ZBTB7C: variants seen among roughly 807,000 people sequenced by gnomAD.
The protein encoded by ZBTB7C is zinc finger and BTB domain-containing protein 7C.
A neutral mutation model predicts 25.7 loss-of-function variants in ZBTB7C; 8 were observed. The ratio of observed to expected loss-of-function variants is 0.31; its 90% CI spans 0.18 to 0.56. The LOEUF is 0.56. Among genes scored for constraint, ZBTB7C ranks in the 20% least tolerant of loss-of-function variants. ZBTB7C has a pLI of 0.91. For synonymous variants in ZBTB7C, 394 were observed against 369.0 expected (o/e 1.07, Z -0.78); for missense variants, 824 against 855.2 (o/e 0.96, Z 0.46).
chr18:48,329,982 C>T lies in ZBTB7C; in HGVS notation c.-79+8192G>A, dbSNP rs115550634. On this transcript the variant is annotated intron_variant, in intron 2 of 4. Coordinates refer to ENST00000590800, the MANE Select transcript of ZBTB7C (RefSeq NM_001318841.2). ...GGCTCAGGGAGACTGTCACCTTCCC[C>T]GAGTGGCAGAGCCAGAACTCAACAT... 5.4e-3 allele frequency among the ~76,000 whole-genome samples: 823 copies of T among 152,266 alleles called. 6 individuals carry two copies. The highest frequency in any genetic ancestry group is 0.019 in the African/African-American group (796 of 41,566).
chr18:48,212,912 A>C (rs2042735601), intron 2 of ZBTB7C, among the ~76,000 whole-genome samples: 1 of 152,188 alleles, frequency 6.6e-6, no homozygotes, highest in African/African-American at 2.4e-5. Context: ...CTGCCTGGCC[A>C]GCCTGGACCA....
chr18:48,167,564 G>GGGTGTGTGTGTGTGTT (rs2041296995), intron 3 of ZBTB7C, among the ~76,000 whole-genome samples: 1 of 26,398 alleles, frequency 3.8e-5, no homozygotes, highest in Non-Finnish European at 1.2e-4. Context: ...CATTGCTAGG[G>GGGTGTGTGTGTGTGTT]TGTGTGTGTG....
chr18:48,193,514 A>G (rs1194319984), intron 2 of ZBTB7C, among the ~76,000 whole-genome samples: 4 of 152,196 alleles, frequency 2.6e-5, no homozygotes, highest in African/African-American at 9.6e-5. Flanking sequence ...CAACCTCCCA[A>G]CAGAGTACTT....
At chr18:48,060,578 G>C (rs557155211) in intron 3 of ZBTB7C, among the ~76,000 whole-genome samples, 14 of 151,962 alleles carry the variant, frequency 9.2e-5, no homozygotes, top group Non-Finnish European at 1.8e-4. Context: ...TGCCCATTCC[G>C]CCTCCTCAGC....
intron 2 of ZBTB7C, among the ~76,000 whole-genome samples, chr18:48,193,645 G>A (rs947295433): frequency 6.6e-6 from 1 of 152,192 alleles, no homozygotes; most frequent in Admixed American, 6.5e-5. Context: ...GACTCCCCTG[G>A]CTGCTCCTGC....
chr18:48,029,668 A>T lies in ZBTB7C; in HGVS notation c.1452T>A (p.Ala484=), dbSNP rs1227437906. ...MARPRRGRKP[A]AWRAASLLFG... is the part of the protein sequence containing the mutation. The stretch of plus-strand genomic sequence containing the variant: ...AGAGCAGGCTGGCGGCCCTCCACGC[A>T]GCAGGCTTGCGGCCGCGTCGGGGCC... The change falls in exon 5 of 5, where the codon GCT becomes GCA. Residue 484 remains alanine, a synonymous_variant. Coordinates refer to ENST00000590800, the MANE Select transcript of ZBTB7C (RefSeq NM_001318841.2). 1.3e-6 allele frequency: 2 copies of T among 1,565,234 alleles called. No homozygotes were observed. The highest frequency in any genetic ancestry group is 1.1e-5 in the South Asian group (1 of 87,256).
chr18:48,168,354 T>C (rs1203149098), intron 3 of ZBTB7C, among the ~76,000 whole-genome samples: 1 of 152,200 alleles, frequency 6.6e-6, no homozygotes, highest in Non-Finnish European at 1.5e-5. Flanking sequence ...TGCAGGTTTT[T>C]CTAAACATGA....
intron 2 of ZBTB7C, among the ~76,000 whole-genome samples, chr18:48,225,008 A>G (rs1390627718): frequency 6.6e-6 from 1 of 152,234 alleles, no homozygotes; most frequent in Non-Finnish European, 1.5e-5. Context: ...CAATTCATCA[A>G]TTGGTTGCAG....
chr18:48,395,461 A>ATGTGTGTG (rs71165324), intron 1 of ZBTB7C, among the ~76,000 whole-genome samples: 1,264 of 83,552 alleles, frequency 0.015, 98 homozygotes, highest in African/African-American at 0.057. Flanking sequence ...TTCTATTCAA[A>ATGTGTGTG]TGTGTGTGTG....
chr18:48,314,699 G>T (rs538693612), intron 2 of ZBTB7C, among the ~76,000 whole-genome samples: 2 of 152,232 alleles, frequency 1.3e-5, no homozygotes, highest in South Asian at 2.1e-4. Flanking sequence ...CTCCAGCTGA[G>T]CTTCCTTGGA....
intron 2 of ZBTB7C, among the ~76,000 whole-genome samples, chr18:48,266,391 C>A (rs1465748043): frequency 1.3e-5 from 2 of 152,144 alleles, no homozygotes; most frequent in African/African-American, 4.8e-5. Context: ...ATAGAACAAG[C>A]AGGTGGCAGA....
chr18:48,171,396 C>T (rs1334439711), intron 3 of ZBTB7C, among the ~76,000 whole-genome samples: 2 of 152,242 alleles, frequency 1.3e-5, no homozygotes, highest in African/African-American at 4.8e-5. Flanking sequence ...CTCTCTCCTT[C>T]CAGCCCTCAC....
chr18:48,247,599 G>C (rs2043730171), intron 2 of ZBTB7C, among the ~76,000 whole-genome samples: 1 of 152,132 alleles, frequency 6.6e-6, no homozygotes, highest in African/African-American at 2.4e-5. Context: ...CACCTCTTCT[G>C]CTTCACTCCA....
At chr18:48,273,287 C>T (rs1033364733) in intron 2 of ZBTB7C, among the ~76,000 whole-genome samples, 1 of 151,924 alleles carries the variant, frequency 6.6e-6, no homozygotes, top group African/African-American at 2.4e-5. Flanking sequence ...GAGAGACTTG[C>T]TCTATTACAG....
intron 2 of ZBTB7C, among the ~76,000 whole-genome samples, chr18:48,318,884 G>T (rs1363541212): frequency 6.6e-6 from 1 of 152,172 alleles, no homozygotes; most frequent in East Asian, 1.9e-4. Flanking sequence ...GTTCCAGCCT[G>T]TTCCCCTCCC....
chr18:48,289,609 C>T (rs1267411226), intron 2 of ZBTB7C, among the ~76,000 whole-genome samples: 1 of 125,858 alleles, frequency 7.9e-6, no homozygotes, highest in Non-Finnish European at 1.7e-5. Flanking sequence ...TATGTAAATA[C>T]ACAATTATGT....
At chr18:48,279,405 A>G (rs1201407983) in intron 2 of ZBTB7C, among the ~76,000 whole-genome samples, 1 of 152,238 alleles carries the variant, frequency 6.6e-6, no homozygotes, top group Non-Finnish European at 1.5e-5. Flanking sequence ...ACAAAGCTTC[A>G]GGCAAGTCTG....
intron 3 of ZBTB7C, among the ~76,000 whole-genome samples, chr18:48,124,845 G>T (rs927453779): frequency 6.6e-6 from 1 of 152,220 alleles, no homozygotes. Flanking sequence ...AAAGCCCCTT[G>T]CAGTTTTCCC....
intron 3 of ZBTB7C, among the ~76,000 whole-genome samples, chr18:48,121,161 G>A (rs529347845): frequency 3.9e-5 from 6 of 152,344 alleles, no homozygotes; most frequent in African/African-American, 1.4e-4. Context: ...CTCGAAGACA[G>A]AGATCCAGGC....
Sources: allele counts gnomAD v4.1 joint callset (sites outside exome capture counted in the v4.1 genomes callset), GRCh38; gene constraint gnomAD v4.1.1; transcripts MANE v1.5; gene names NCBI Gene and HGNC (gene_info 2026-07-23, HGNC 2026-07-21).